SFXN1: variants seen among roughly 807,000 people sequenced by gnomAD.
SFXN1 encodes sideroflexin-1.
A neutral mutation model predicts 39.5 loss-of-function variants in SFXN1; 32 were observed. The ratio of observed to expected loss-of-function variants is 0.81; its 90% CI spans 0.61 to 1.09. The LOEUF is 1.09. SFXN1 is among the 50% of genes least tolerant of loss of function. The probability of loss-of-function intolerance (pLI) is 0.00; values close to 1 mark genes in which losing one functional copy is unlikely to be tolerated. For synonymous variants in SFXN1, 136 were observed against 146.5 expected (o/e 0.93, Z 0.52); for missense variants, 402 against 407.1 (o/e 0.99, Z 0.11).
chr5:175,488,262 G>C (rs115648464), intron 1 of SFXN1, among the ~76,000 whole-genome samples: 2 of 151,252 alleles, frequency 1.3e-5, no homozygotes, highest in Non-Finnish European at 1.5e-5. Flanking sequence ...CTCCGCCCCA[G>C]CTCATGCCTT....
At chr5:175,497,251 CA>C (rs1759890939) in intron 2 of SFXN1, among the ~76,000 whole-genome samples, 1 of 152,132 alleles carries the variant, frequency 6.6e-6, no homozygotes, top group Admixed American at 6.6e-5. Context: ...AGAAATAACT[CA>C]GAGTTTCCTA....
intron 2 of SFXN1, among the ~76,000 whole-genome samples, chr5:175,505,971 C>A (rs1760278481): frequency 6.6e-6 from 1 of 152,164 alleles, no homozygotes. Flanking sequence ...CGCCTGCCAC[C>A]ATGCCCAGCT....
intron 4 of SFXN1, among the ~76,000 whole-genome samples, chr5:175,511,068 T>A (rs1258401707): frequency 1.3e-5 from 2 of 152,202 alleles, no homozygotes; most frequent in Admixed American, 6.5e-5. Context: ...TTTTGAGAAA[T>A]ATTTTTAAGC....
chr5:175,526,902 G>T lies in SFXN1; in HGVS notation c.*168G>T. 1.6e-6 allele frequency: 1 copy of T among 622,346 alleles called. No individual in the cohort carries two copies. Among genetic ancestry groups the T allele is most frequent in the East Asian group, 2.6e-5 (1 of 38,020 alleles). 38.6% of individuals were successfully genotyped at this position (622,346 alleles called of 1,614,324 possible). A position where few individuals can be genotyped will look rare whatever the true frequency, so the allele number is the denominator to read the frequency against. ...CTACTTTAACAGAGCACCTGGCGTG[G>T]GCCAAGTGCCTGATACTCCCTTACA... On this transcript the variant is annotated 3_prime_UTR_variant, in exon 11 of 11. Coordinates refer to ENST00000321442, the MANE Select transcript of SFXN1 (RefSeq NM_022754.7).
chr5:175,507,882 A>G (rs1404891846), intron 2 of SFXN1, among the ~76,000 whole-genome samples: 1 of 151,660 alleles, frequency 6.6e-6, no homozygotes, highest in African/African-American at 2.4e-5. Flanking sequence ...CTGAGGTGGG[A>G]GGATCACTTG....
Position 175,480,553 on chromosome 5 carries a change from T to C in SFXN1, c.-10+1914T>C, listed in dbSNP as rs985834591. ...GTTACAGTTGTCAGAGAGGACCCTATATGGCAAAGGGTGTCATAATTCAGG... is the reference window on the plus strand; with the variant it reads ...GTTACAGTTGTCAGAGAGGACCCTACATGGCAAAGGGTGTCATAATTCAGG... On this transcript the variant is annotated intron_variant, in intron 1 of 10. Coordinates refer to ENST00000321442, the MANE Select transcript of SFXN1 (RefSeq NM_022754.7). Among the ~76,000 whole-genome samples, 10 of 152,344 alleles carry C rather than the reference T, an allele frequency of 6.6e-5. No individual in the cohort carries two copies. In the South Asian group the frequency reaches 1.7e-3, roughly 25 times the overall value.
chr5:175,504,078 G>A (rs1760198086), intron 2 of SFXN1, among the ~76,000 whole-genome samples: 1 of 151,592 alleles, frequency 6.6e-6, no homozygotes, highest in Non-Finnish European at 1.5e-5. Context: ...GGGAGAGAGG[G>A]ATCAAGAGAG....
At chr5:175,509,331 A>G in intron 3 of SFXN1, 129 bp downstream of exon 3, 3 of 845,712 alleles carry the variant, frequency 3.5e-6, no homozygotes, top group South Asian at 4.3e-5. Context: ...CAAGGTAATT[A>G]GCTTGATTGA....
At position 175,492,300 on chromosome 5, in the gene SFXN1, A is replaced by C. The variant is rs375567107; in HGVS notation, c.164+33A>C. On this transcript the variant is annotated intron_variant, in intron 2 of 10. Coordinates refer to ENST00000321442, the MANE Select transcript of SFXN1 (RefSeq NM_022754.7). ...TAATTATTGTTTTTTGGTTTAATGT[A>C]TAAATAGATCATCATGTTAGGCTGC... 2.0e-6 allele frequency: 3 copies of C among 1,530,850 alleles called. No individual in the cohort carries two copies. In the African/African-American group the frequency reaches 4.2e-5, roughly 21 times the overall value. The allele number at this position is 1,530,850 out of a possible 1,614,324, so 94.8% of individuals were successfully genotyped here.
Position 175,528,384 on chromosome 5 carries a change from A to G in SFXN1, c.*1650A>G, listed in dbSNP as rs1389529830. On this transcript the variant is annotated 3_prime_UTR_variant, in exon 11 of 11. Coordinates refer to ENST00000321442, the MANE Select transcript of SFXN1 (RefSeq NM_022754.7). ...GAGGATGTGCCTAGGTTATATGCAA[A>G]TACTGTGCCATTTTATATCAGGAAC... 6.6e-6 allele frequency: 1 copy of G among 152,186 alleles called. No homozygotes were observed. The allele number at this position is 152,186 out of a possible 1,614,324, so 9.4% of individuals were successfully genotyped here.
intron 1 of SFXN1, among the ~76,000 whole-genome samples, chr5:175,484,401 C>T (rs945943461): frequency 9.9e-5 from 15 of 152,246 alleles, no homozygotes; most frequent in Non-Finnish European, 1.8e-4. Context: ...GCAGCAGTCC[C>T]GCCCCACAAC....
At chr5:175,521,020 G>GTA (rs1760863838) in intron 8 of SFXN1, among the ~76,000 whole-genome samples, 1 of 151,982 alleles carries the variant, frequency 6.6e-6, no homozygotes, top group African/African-American at 2.4e-5. Flanking sequence ...GGGGACCAGG[G>GTA]TATGCCTCCC....
At chr5:175,492,503 G>A in intron 2 of SFXN1, 1 of 357,372 alleles carries the variant, frequency 2.8e-6, no homozygotes. Flanking sequence ...ATCCCTCTTA[G>A]TTGTAGATAC....
At chr5:175,509,892 C>T (rs1338562350) in intron 3 of SFXN1, among the ~76,000 whole-genome samples, 1 of 152,144 alleles carries the variant, frequency 6.6e-6, no homozygotes, top group East Asian at 1.9e-4. Context: ...CATAGTAACC[C>T]TCTGAGCTTG....
intron 3 of SFXN1, 45 bp from the exon 4 acceptor site, chr5:175,510,064 C>T (rs758515288): frequency 6.5e-7 from 1 of 1,533,220 alleles, no homozygotes; most frequent in East Asian, 2.3e-5. Context: ...CATGCCGCGG[C>T]TGGGCCCAGT....
intron 8 of SFXN1, among the ~76,000 whole-genome samples, chr5:175,520,487 G>A (rs1022706255): frequency 7.9e-5 from 12 of 152,122 alleles, no homozygotes; most frequent in African/African-American, 2.9e-4. Context: ...GCATCAGGTT[G>A]GGTTTTGCAG....
rs115527363 is a variant in SFXN1 at position 175,529,619 on chromosome 5, G to A, written c.*2885G>A. 1 of 152,208 alleles carries A rather than the reference G, an allele frequency of 6.6e-6. No individual in the cohort carries two copies. The highest frequency in any genetic ancestry group is 1.5e-5 in the Non-Finnish European group (1 of 68,036). 9.4% of individuals were successfully genotyped at this position (152,208 alleles called of 1,614,324 possible). On this transcript the variant is annotated 3_prime_UTR_variant, in exon 11 of 11. Transcript: ENST00000321442. ...TAACATGATACAAAGGATGATGATTGTAAGTGTTTACTGACTGGCAGCTTT... is the reference window on the plus strand; with the variant it reads ...TAACATGATACAAAGGATGATGATTATAAGTGTTTACTGACTGGCAGCTTT...
At chr5:175,524,047 T>C (rs2113366001) in intron 10 of SFXN1, 1 of 143,412 alleles carries the variant, frequency 7.0e-6, no homozygotes, top group South Asian at 2.2e-4. Flanking sequence ...GAGGCTGTGG[T>C]GAGCCAAGAT....
rs370044750 is a variant in SFXN1, at chr5:175,511,441, T to C, written c.435-10T>C. 7.4e-6 allele frequency: 12 copies of C among 1,613,432 alleles called. No individual in the cohort carries two copies. In the South Asian group the frequency reaches 8.8e-5, roughly 12 times the overall value. ...CTCGTCGTCCACACGATATCCTTTTTTCTTTTCAGTGAGTTGGGAACAGCT... is the reference window on the plus strand; with the variant it reads ...CTCGTCGTCCACACGATATCCTTTTCTCTTTTCAGTGAGTTGGGAACAGCT... On this transcript the variant is annotated splice_polypyrimidine_tract_variant and intron_variant, in intron 4 of 10. Transcript: ENST00000321442.
Sources: gnomAD v4.1 joint callset for allele counts (sites outside exome capture counted in the v4.1 genomes callset) on GRCh38, gnomAD v4.1.1 for gene constraint, MANE v1.5 for transcripts, NCBI Gene and HGNC (gene_info 2026-07-23, HGNC 2026-07-21) for gene names.